RBM45: variants seen among roughly 807,000 people sequenced by gnomAD.
RBM45 encodes RNA-binding protein 45.
RBM45 carries 39 observed loss-of-function variants against 58.5 expected under a neutral mutation model. The observed-to-expected ratio is 0.67, with a 90% CI of 0.52 to 0.87. RBM45 has a LOEUF of 0.87. Among genes scored for constraint, RBM45 ranks in the 40% least tolerant of loss-of-function variants. The probability of loss-of-function intolerance (pLI) is 0.00; values close to 1 mark genes in which losing one functional copy is unlikely to be tolerated. For synonymous variants in RBM45, 193 were observed against 203.0 expected, an observed-to-expected ratio of 0.95 and a Z score of 0.42; for missense variants, 481 against 581.6, an observed-to-expected ratio of 0.83 and a Z score of 1.78.
intron 9 of RBM45, among the ~76,000 whole-genome samples, chr2:178,126,421 A>G (rs1033288030): frequency 4.6e-5 from 7 of 152,164 alleles, no homozygotes; most frequent in African/African-American, 1.7e-4. Context: ...TGTTTGTGAA[A>G]TCTTCGATTT....
chr2:178,119,313 G>A (rs1448499709), intron 3 of RBM45, among the ~76,000 whole-genome samples: 1 of 152,216 alleles, frequency 6.6e-6, no homozygotes, highest in African/African-American at 2.4e-5. Context: ...CATGCCGAGG[G>A]GGTAGGACTT....
chr2:178,135,393 G>A (rs1405609107), intron 3 of RBM45, among the ~76,000 whole-genome samples: 1 of 152,142 alleles, frequency 6.6e-6, no homozygotes, highest in Non-Finnish European at 1.5e-5. Context: ...TACCATCTTG[G>A]CTTGTTTATT....
chr2:178,126,666 C>T (rs2153906049), intron 9 of RBM45, among the ~76,000 whole-genome samples: 1 of 152,172 alleles, frequency 6.6e-6, no homozygotes, highest in East Asian at 1.9e-4. Context: ...ATTTTTGGAC[C>T]TTTTGAACCT....
rs1221242679 is a variant in RBM45, at chr2:178,123,810, A to G, written c.984-18A>G. 3 of 1,611,966 alleles carry G rather than the reference A, an allele frequency of 1.9e-6. No homozygotes were observed. The highest frequency in any genetic ancestry group is 2.5e-6 in the Non-Finnish European group (3 of 1,178,980). On this transcript the variant is annotated intron_variant, in intron 6 of 9. Coordinates refer to ENST00000286070, the MANE Select transcript of RBM45 (RefSeq NM_152945.4). Reference sequence around the variant, plus strand: ...GAATATTTTTAGTTTTCTGTAAATTATCAGTTATTTTTTCCAGTCTCCTTA... The same window carrying G: ...GAATATTTTTAGTTTTCTGTAAATTGTCAGTTATTTTTTCCAGTCTCCTTA...
chr2:178,118,297 G>T, intron 3 of RBM45, 116 bp downstream of exon 3: 1 of 1,010,242 alleles, frequency 9.9e-7, no homozygotes, highest in East Asian at 2.6e-5. Context: ...AATTTTAGCA[G>T]TGGGTATTTA....
downstream of RBM45, among the ~76,000 whole-genome samples, chr2:178,130,788 A>G (rs562897075): frequency 3.9e-4 from 59 of 152,348 alleles, no homozygotes; most frequent in Middle Eastern, 3.4e-3. Flanking sequence ...ATAACTGAGT[A>G]TCTTATACTT....
Position 178,123,889 on chromosome 2 carries a change from A to G in RBM45, c.1045A>G (p.Asn349Asp). ...AAQLASMVWN[N>D]PSQQQFMQFG... ...ACAGCTTGCATCAATGGTGTGGAAT[A>G]ACCCAAGTCAGCAACAATTTATGGT... Residue 349 changes from asparagine to aspartate, a missense_variant, in exon 7 of 10, where the codon AAC becomes GAC. Transcript: ENST00000286070. 1 of 1,614,106 alleles carries G rather than the reference A, an allele frequency of 6.2e-7. No individual in the cohort carries two copies. Among genetic ancestry groups the G allele is most frequent in the Non-Finnish European group, 8.5e-7 (1 of 1,179,952 alleles).
intron 9 of RBM45, among the ~76,000 whole-genome samples, chr2:178,127,176 G>A (rs945727790): frequency 5.9e-5 from 9 of 152,162 alleles, no homozygotes; most frequent in African/African-American, 1.4e-4. Context: ...GCCCGCCTCG[G>A]CCTCCCAAAG....
At chr2:178,126,348 A>T (rs2087929280) in intron 9 of RBM45, among the ~76,000 whole-genome samples, 164 bp downstream of exon 9, 1 of 152,242 alleles carries the variant, frequency 6.6e-6, no homozygotes, top group South Asian at 2.1e-4. Flanking sequence ...TTACTGAAGA[A>T]TGTTTTTGCC....
rs1351810516 is a variant in RBM45, at chr2:178,112,822, C to T, written c.276C>T (p.Gly92=). 2 of 1,610,252 alleles carry T rather than the reference C, an allele frequency of 1.2e-6. No individual in the cohort carries two copies. Among genetic ancestry groups the T allele is most frequent in the East Asian group, 2.2e-5 (1 of 44,732 alleles). The change falls in exon 1 of 10, where the codon GGC becomes GGT. Residue 92 remains glycine, a synonymous_variant. Transcript: ENST00000286070. ...AMEEMHGQCL[G]PNDTKPIKVF... ...AGGAGATGCATGGCCAGTGCCTCGG[C>T]CCCAACGACACCAAGCCCATCAAGG... is the stretch of plus-strand genomic sequence containing the variant.
At position 178,116,258 on chromosome 2, in the gene RBM45, T is replaced by A. The variant is rs772571380; in HGVS notation, c.301-4T>A. On this transcript the variant is annotated splice_region_variant and splice_polypyrimidine_tract_variant and intron_variant, in intron 1 of 9. Coordinates refer to ENST00000286070, the MANE Select transcript of RBM45 (RefSeq NM_152945.4). ...TTATTTTGGGAGTTTTGTTTGTTTC[T>A]TAGGTTTTCATTGCTCAGTCCCGAT... is the stretch of plus-strand genomic sequence containing the variant. 2.6e-6 allele frequency: 4 copies of A among 1,562,982 alleles called. No homozygotes were observed. In the East Asian group the frequency reaches 6.9e-5, roughly 27 times the overall value.
At chr2:178,125,702 T>A in intron 8 of RBM45, 1 of 580,024 alleles carries the variant, frequency 1.7e-6, no homozygotes, top group Non-Finnish European at 3.4e-6. Flanking sequence ...TTTAGAAAGA[T>A]CACTCAGAAG....
In RBM45 at chr2:178,123,511, C is replaced by T. The variant is rs765542069; in HGVS notation, c.854-11C>T. The T allele has an allele frequency of 1.4e-5, 22 of 1,553,702 alleles. No individual in the cohort carries two copies. Among genetic ancestry groups the T allele is most frequent in the Non-Finnish European group, 1.8e-5 (21 of 1,157,234 alleles). ...CTTTCCTTTTTCATTTCTGTATGTT[C>T]TCTATTTTAGGTCATGGAGTGGTTC... is the stretch of plus-strand genomic sequence containing the variant. On this transcript the variant is annotated splice_polypyrimidine_tract_variant and intron_variant, in intron 5 of 9. Transcript: ENST00000286070.
At chr2:178,114,382 G>A (rs1192475127) in intron 1 of RBM45, among the ~76,000 whole-genome samples, 2 of 152,156 alleles carry the variant, frequency 1.3e-5, no homozygotes, top group Non-Finnish European at 2.9e-5. Flanking sequence ...ATTTGAAATT[G>A]ATGGACCACC....
intron 7 of RBM45, 24 bp from the exon 8 acceptor site, chr2:178,124,103 T>C (rs1198986176): frequency 6.4e-7 from 1 of 1,572,646 alleles, no homozygotes; most frequent in Non-Finnish European, 8.6e-7. Context: ...TTTTTTCTTT[T>C]TCTTGTTTTC....
intron 1 of RBM45, among the ~76,000 whole-genome samples, chr2:178,113,069 C>T (rs1244225140): frequency 6.6e-6 from 1 of 152,136 alleles, no homozygotes; most frequent in South Asian, 2.1e-4. Context: ...AGTGTTTGCC[C>T]CACGAGAGCG....
chr2:178,114,844 G>GT (rs2087752076), intron 1 of RBM45, among the ~76,000 whole-genome samples: 1 of 151,998 alleles, frequency 6.6e-6, no homozygotes, highest in African/African-American at 2.4e-5. Context: ...TGAGCCTCCC[G>GT]TTTCATCCTC....
At chr2:178,125,208 T>A (rs561913632) in intron 8 of RBM45, among the ~76,000 whole-genome samples, 2 of 152,228 alleles carry the variant, frequency 1.3e-5, no homozygotes, top group South Asian at 2.1e-4. Flanking sequence ...ACCTCCTCTT[T>A]GTTCAAGGCA....
intron 8 of RBM45, among the ~76,000 whole-genome samples, chr2:178,124,751 T>G (rs2153905566): frequency 1.3e-5 from 2 of 152,280 alleles, no homozygotes; most frequent in Middle Eastern, 3.4e-3. Context: ...GAGGTCGAGG[T>G]TGCAGTGAGC....
Sources: gnomAD v4.1 joint callset for allele counts (sites outside exome capture counted in the v4.1 genomes callset) on GRCh38, gnomAD v4.1.1 for gene constraint, MANE v1.5 for transcripts, NCBI Gene and HGNC (gene_info 2026-07-23, HGNC 2026-07-21) for gene names.